Variants in CCDC171 observed in about 807,000 individuals in gnomAD.
CCDC171 encodes coiled-coil domain-containing protein 171.
A neutral mutation model predicts 168.2 loss-of-function variants in CCDC171; 177 were observed. The observed-to-expected ratio is 1.05, with a 90% CI of 0.93 to 1.19. CCDC171 has a LOEUF of 1.19. Among genes scored for constraint, CCDC171 ranks in the 50% most tolerant of loss-of-function variants. CCDC171 has a pLI of 0.00. For synonymous variants in CCDC171, 687 were observed against 540.8 expected, an observed-to-expected ratio of 1.27 and a Z score of -3.75; for missense variants, 1,991 against 1,539.0, an observed-to-expected ratio of 1.29 and a Z score of -4.91.
intron 21 of CCDC171, among the ~76,000 whole-genome samples, chr9:15,809,316 C>T (rs538197201): frequency 9.9e-5 from 15 of 152,244 alleles, no homozygotes; most frequent in Admixed American, 2.6e-4. Context: ...CCACTAGCCA[C>T]GTGTGGCTAT....
Position 15,729,621 on chromosome 9 carries a change from A to G in CCDC171, c.1872A>G (p.Leu624=), listed in dbSNP as rs1234148359. 3 of 1,610,678 alleles carry G rather than the reference A, an allele frequency of 1.9e-6. No individual in the cohort carries two copies. The highest frequency in any genetic ancestry group is 4.5e-5 in the East Asian group (2 of 44,858). ...LNRANEKIRH[L]EYICKNKSDT... Reference sequence around the variant, plus strand: ...ATCTCCCCGTATAGATAAGGCATCTAGAGTATATCTGTAAAAACAAGTCTG... The same window carrying G: ...ATCTCCCCGTATAGATAAGGCATCTGGAGTATATCTGTAAAAACAAGTCTG... Residue 624 remains leucine, a synonymous_variant, in exon 16 of 26, where the codon CTA becomes CTG. Transcript: ENST00000380701.
At chr9:16,070,150 AG>A in the CCDC171 span, among the ~76,000 whole-genome samples, 3 of 152,092 alleles carry the variant, frequency 2.0e-5, no homozygotes, top group Non-Finnish European at 4.4e-5. Context: ...AGAAAGAGTG[AG>A]GGGTGAAGTC....
chr9:15,992,948 C>T (rs199938158), intron 3 of CCDC171, among the ~76,000 whole-genome samples: 1 of 152,052 alleles, frequency 6.6e-6, no homozygotes, highest in African/African-American at 2.4e-5. Context: ...TAAAAGAGGA[C>T]ACAAACAAAT....
At chr9:16,063,534 C>A (rs1197155641), downstream of CCDC171, among the ~76,000 whole-genome samples, 1 of 152,184 alleles carries the variant, frequency 6.6e-6, no homozygotes, top group African/African-American at 2.4e-5. Flanking sequence ...TAGTATATTT[C>A]ATTTGCATTG....
At chr9:15,963,945 G>A (rs533240736) in intron 25 of CCDC171, among the ~76,000 whole-genome samples, 72 of 152,268 alleles carry the variant, frequency 4.7e-4, no homozygotes, top group African/African-American at 1.7e-3. Flanking sequence ...ACAATTTTAG[G>A]AAGTGTCTGT....
At chr9:16,106,627 C>G in the CCDC171 span, among the ~76,000 whole-genome samples, 1 of 152,278 alleles carries the variant, frequency 6.6e-6, no homozygotes, top group African/African-American at 2.4e-5. Flanking sequence ...CCCTCAAACT[C>G]CTATTTCTTT....
chr9:15,707,113 G>C (rs938070747), intron 11 of CCDC171, among the ~76,000 whole-genome samples: 2 of 152,186 alleles, frequency 1.3e-5, no homozygotes, highest in Non-Finnish European at 2.9e-5. Flanking sequence ...GATGGCTGTA[G>C]GAGCAGTACA....
chr9:16,103,226 T>G, the CCDC171 span, among the ~76,000 whole-genome samples: 1 of 152,114 alleles, frequency 6.6e-6, no homozygotes. Flanking sequence ...TAAGGGGGAT[T>G]TGCATGCTGG....
chr9:16,023,639 C>T (rs551259600), intron 6 of CCDC171, among the ~76,000 whole-genome samples: 4 of 152,246 alleles, frequency 2.6e-5, no homozygotes, highest in East Asian at 3.9e-4. Context: ...TGGGAGACTT[C>T]CAGAATAAAC....
intron 18 of CCDC171, 43 bp from the exon 19 acceptor site, chr9:15,777,557 A>C: frequency 1.7e-6 from 2 of 1,183,920 alleles, no homozygotes; most frequent in Non-Finnish European, 1.2e-6. Flanking sequence ...AATGCACAAG[A>C]GACAATTCAC....
Position 15,744,621 on chromosome 9 carries a change from A to AT in CCDC171, c.2399dup (p.Phe801IlefsTer49). 6.2e-7 allele frequency: 1 copy of AT among 1,614,182 alleles called. No homozygotes were observed. The highest frequency in any genetic ancestry group is 8.5e-7 in the Non-Finnish European group (1 of 1,180,010). ...GAAAACATTCAAAGGATTGATACGT[A>AT]TATTTCGGAAAGGTGTTATTGCTGT... is the stretch of plus-strand genomic sequence containing the variant. On this transcript the variant is annotated frameshift_variant, in exon 17 of 26. Transcript: ENST00000380701. LOFTEE classifies it high-confidence loss of function.
intron 9 of CCDC171, among the ~76,000 whole-genome samples, chr9:15,677,477 A>G (rs2049667741): frequency 6.6e-6 from 1 of 152,096 alleles, no homozygotes; most frequent in Non-Finnish European, 1.5e-5. Context: ...AGTAATTTAG[A>G]CTGCATTATA....
In CCDC171 at chr9:15,848,922, G is replaced by T; in HGVS notation, c.3443G>T (p.Arg1148Ile). ...AAAGAATGTGTTGCTAATCACATGA[G>T]AGCAGTAGAAAATACGCTTCACAAG... ...KDKECVANHM[R>I]AVENTLHKVR... is the part of the protein sequence containing the mutation. Residue 1148 changes from arginine (R) to isoleucine (I), a missense_variant, in exon 23 of 26, where the codon AGA becomes ATA. Coordinates refer to ENST00000380701, the MANE Select transcript of CCDC171 (RefSeq NM_173550.4). 6.4e-7 allele frequency: 1 copy of T among 1,568,004 alleles called. No homozygotes were observed. The highest frequency in any genetic ancestry group is 8.7e-7 in the Non-Finnish European group (1 of 1,155,860).
chr9:15,788,643 A>C (rs2058091429), intron 21 of CCDC171, among the ~76,000 whole-genome samples: 2 of 150,662 alleles, frequency 1.3e-5, no homozygotes, highest in Non-Finnish European at 3.0e-5. Context: ...ACGACCTCCT[A>C]GGCTTAAGTA....
downstream of CCDC171, among the ~76,000 whole-genome samples, chr9:16,063,020 G>C (rs770344309): frequency 1.3e-5 from 2 of 152,186 alleles, no homozygotes; most frequent in African/African-American, 2.4e-5. Context: ...TAGGGAAGCT[G>C]TTGCATCACC....
chr9:15,573,109 G>C (rs2040363167), intron 3 of CCDC171, among the ~76,000 whole-genome samples: 1 of 152,178 alleles, frequency 6.6e-6, no homozygotes, highest in Admixed American at 6.5e-5. Context: ...GCAGTGAGCT[G>C]AGATCGTGCC....
the CCDC171 span, among the ~76,000 whole-genome samples, chr9:16,079,894 C>T: frequency 6.6e-6 from 1 of 152,200 alleles, no homozygotes; most frequent in Non-Finnish European, 1.5e-5. Flanking sequence ...AAAGTAGCAG[C>T]TCATAGTATC....
chr9:15,932,195 T>TAA (rs1826611618), intron 25 of CCDC171, among the ~76,000 whole-genome samples: 1 of 151,972 alleles, frequency 6.6e-6, no homozygotes, highest in East Asian at 1.9e-4. Context: ...ATAGATCACT[T>TAA]TGGGCAGTAT....
chr9:15,639,490 C>T (rs1479728357), intron 7 of CCDC171, among the ~76,000 whole-genome samples: 1 of 151,944 alleles, frequency 6.6e-6, no homozygotes, highest in Non-Finnish European at 1.5e-5. Context: ...TTTTTATTAT[C>T]TGTGGGTTTT....
Sources: gnomAD v4.1 joint callset for allele counts (sites outside exome capture counted in the v4.1 genomes callset) on GRCh38, gnomAD v4.1.1 for gene constraint, MANE v1.5 for transcripts, NCBI Gene and HGNC (gene_info 2026-07-23, HGNC 2026-07-21) for gene names.